PSMD1: variants seen among roughly 807,000 people sequenced by gnomAD.
PSMD1 encodes the protein 26S proteasome non-ATPase regulatory subunit 1.
In PSMD1, 18 loss-of-function variants were observed where a neutral mutation model predicts 119.0. The ratio of observed to expected loss-of-function variants is 0.15; its 90% CI spans 0.10 to 0.22. PSMD1 has a LOEUF of 0.22. Among genes scored for constraint, PSMD1 ranks in the 10% least tolerant of loss-of-function variants. PSMD1 has a pLI of 1.00. For missense variants in PSMD1, 702 were observed against 1,158.5 expected, an observed-to-expected ratio of 0.61 and a Z score of 5.72; for synonymous variants, 374 against 396.6, an observed-to-expected ratio of 0.94 and a Z score of 0.68.
chr2:231,066,125 G>T (rs1456818674), intron 4 of PSMD1, among the ~76,000 whole-genome samples: 2 of 152,212 alleles, frequency 1.3e-5, no homozygotes, highest in Non-Finnish European at 2.9e-5. Flanking sequence ...ACTCCATGAT[G>T]TTTGCACAAT....
At position 231,075,526 on chromosome 2, in the gene PSMD1, A is replaced by G. The variant is rs756473808; in HGVS notation, c.897A>G (p.Thr299=). The G allele has an allele frequency of 2.2e-5, 36 of 1,612,906 alleles. 1 individual carries two copies. In the East Asian group the frequency reaches 7.8e-4, roughly 35 times the overall value. ...TTCATTTCAGTGACTCGATGGAAAC[A>G]GAAGAAAAGACAAGCAGTGCATTTG... is the stretch of plus-strand genomic sequence containing the variant. ...GSEKDSDSME[T]EEKTSSAFVG... is the part of the protein sequence containing the mutation. The change falls in exon 8 of 25, where the codon ACA becomes ACG. Residue 299 remains threonine, a synonymous_variant. Coordinates refer to ENST00000308696, the MANE Select transcript of PSMD1 (RefSeq NM_002807.4).
chr2:231,097,088 T>C (rs530981004), intron 16 of PSMD1, among the ~76,000 whole-genome samples: 1 of 152,360 alleles, frequency 6.6e-6, no homozygotes, highest in Non-Finnish European at 1.5e-5. Flanking sequence ...TTTCAAACTT[T>C]TTTACAAGTC....
intron 16 of PSMD1, among the ~76,000 whole-genome samples, chr2:231,127,068 T>C (rs1377397707): frequency 2.6e-5 from 4 of 151,990 alleles, no homozygotes; most frequent in Admixed American, 1.3e-4. Flanking sequence ...CACAAAACTT[T>C]GCCTCTCCCC....
intron 18 of PSMD1, 115 bp from the exon 19 acceptor site, chr2:231,153,449 A>G: frequency 1.3e-6 from 1 of 771,394 alleles, no homozygotes. Context: ...CCCTCTCTTG[A>G]GCATTACGAA....
At chr2:231,169,085 A>C (rs758036095) in intron 23 of PSMD1, among the ~76,000 whole-genome samples, 9 of 150,482 alleles carry the variant, frequency 6.0e-5, no homozygotes, top group Non-Finnish European at 1.3e-4. Context: ...AAGCATTAAC[A>C]AACCTAGACC....
At chr2:231,169,899 C>A (rs1339624692) in intron 23 of PSMD1, among the ~76,000 whole-genome samples, 1 of 152,082 alleles carries the variant, frequency 6.6e-6, no homozygotes, top group Non-Finnish European at 1.5e-5. Flanking sequence ...CTTTTGTTTC[C>A]CATGTATTTT....
intron 6 of PSMD1, among the ~76,000 whole-genome samples, chr2:231,071,977 T>C (rs143918717): frequency 6.6e-6 from 1 of 152,278 alleles, no homozygotes; most frequent in East Asian, 1.9e-4. Flanking sequence ...ATAAATATAA[T>C]TTGTATGAAT....
intron 4 of PSMD1, among the ~76,000 whole-genome samples, chr2:231,063,314 C>G (rs1006481877): frequency 6.6e-6 from 1 of 152,140 alleles, no homozygotes; most frequent in African/African-American, 2.4e-5. Context: ...AGATTTGATA[C>G]AAAGATTTTA....
chr2:231,124,163 A>T (rs564562264), intron 16 of PSMD1: 1 of 194,710 alleles, frequency 5.1e-6, no homozygotes, highest in South Asian at 9.3e-5. Context: ...GCATTATTTT[A>T]TTCATTTCTG....
At chr2:231,128,413 C>G (rs912064844) in intron 16 of PSMD1, among the ~76,000 whole-genome samples, 3 of 152,178 alleles carry the variant, frequency 2.0e-5, no homozygotes, top group African/African-American at 7.2e-5. Flanking sequence ...CTCTCATGTT[C>G]ATTCTCTTTG....
In PSMD1 at chr2:231,165,189, C is replaced by T. The variant is rs374103469; in HGVS notation, c.2482-11C>T. On this transcript the variant is annotated splice_polypyrimidine_tract_variant and intron_variant, in intron 21 of 24. Transcript: ENST00000308696. The stretch of plus-strand genomic sequence containing the variant: ...AGGGATTACAACAGTTTACCCTGCT[C>T]ATTTCCCCAGGTTTCTACTGCTGTA... The T allele has an allele frequency of 1.3e-6, 2 of 1,596,038 alleles. No individual in the cohort carries two copies. The highest frequency in any genetic ancestry group is 1.7e-6 in the Non-Finnish European group (2 of 1,169,746).
intron 23 of PSMD1, among the ~76,000 whole-genome samples, chr2:231,168,898 T>C (rs1696847777): frequency 6.6e-6 from 1 of 152,230 alleles, no homozygotes; most frequent in Non-Finnish European, 1.5e-5. Flanking sequence ...GACACTGCAT[T>C]TGAAAGAGGC....
At chr2:231,127,893 A>T (rs1353640009) in intron 16 of PSMD1, among the ~76,000 whole-genome samples, 1 of 152,248 alleles carries the variant, frequency 6.6e-6, no homozygotes, top group Non-Finnish European at 1.5e-5. Context: ...CAGATAAAGT[A>T]ACTCTTACTA....
chr2:231,159,866 T>G (rs1419031816), intron 19 of PSMD1, among the ~76,000 whole-genome samples: 1 of 152,256 alleles, frequency 6.6e-6, no homozygotes, highest in Non-Finnish European at 1.5e-5. Flanking sequence ...TCAGTAGGCA[T>G]TAGATTCTCA....
At chr2:231,076,743 T>A (rs1202595298) in intron 8 of PSMD1, among the ~76,000 whole-genome samples, 3 of 152,286 alleles carry the variant, frequency 2.0e-5, no homozygotes, top group South Asian at 2.1e-4. Context: ...AAATATAAAT[T>A]GACTCATTTA....
At chr2:231,108,251 T>C in intron 16 of PSMD1, 1 of 344,278 alleles carries the variant, frequency 2.9e-6, no homozygotes, top group East Asian at 5.8e-5. Flanking sequence ...GCCTGAAATT[T>C]ATTGATTTGA....
At chr2:231,147,956 A>G (rs1476771453) in intron 18 of PSMD1, among the ~76,000 whole-genome samples, 2 of 152,240 alleles carry the variant, frequency 1.3e-5, no homozygotes, top group African/African-American at 4.8e-5. Context: ...AGTTCTAAAC[A>G]GTTGCTGTCA....
In PSMD1 at chr2:231,075,957, C is replaced by A. The variant is rs149678126; in HGVS notation, c.942+386C>A. On this transcript the variant is annotated intron_variant, in intron 8 of 24. Coordinates refer to ENST00000308696, the MANE Select transcript of PSMD1 (RefSeq NM_002807.4). ...ATATTTCCACAGGATATTGTAAATT[C>A]TTTCAAGTATATATTCTATACATGC... Among the ~76,000 whole-genome samples the A allele has an allele frequency of 8.9e-4, 135 of 152,168 alleles. 1 individual carries two copies. Among genetic ancestry groups the A allele is most frequent in the African/African-American group, 3.0e-3 (124 of 41,506 alleles).
At position 231,170,138 on chromosome 2, in the gene PSMD1, G is replaced by A. The variant is rs1696881426; in HGVS notation, c.2716-428G>A. Among the ~76,000 whole-genome samples, 1 of 152,194 alleles carries A rather than the reference G, an allele frequency of 6.6e-6. No individual in the cohort carries two copies. The highest frequency in any genetic ancestry group is 1.5e-5 in the Non-Finnish European group (1 of 68,034). ...GGGATCTTGTTAGAATGCAGATTCT[G>A]CAGATCTAGGGTGGGGCCAGCTTTT... On this transcript the variant is annotated intron_variant, in intron 23 of 24. Coordinates refer to ENST00000308696, the MANE Select transcript of PSMD1 (RefSeq NM_002807.4). This position sits in a 1 kb window ranked among gnomAD's most constrained non-coding sequence, Gnocchi z 4.1.
Sources: gnomAD v4.1 joint callset for allele counts (sites outside exome capture counted in the v4.1 genomes callset) on GRCh38, gnomAD v4.1.1 for gene constraint, Gnocchi (gnomAD v3.1) non-coding constraint, MANE v1.5 for transcripts, NCBI Gene and HGNC (gene_info 2026-07-23, HGNC 2026-07-21) for gene names.